Variants in NRG3 observed in about 807,000 individuals in gnomAD.
NRG3 encodes the protein pro-neuregulin-3, membrane-bound isoform.
In NRG3, 31 loss-of-function variants were observed where a neutral mutation model predicts 66.9. The ratio of observed to expected loss-of-function variants is 0.46; its 90% CI spans 0.35 to 0.63. NRG3 has a LOEUF of 0.63. NRG3 is among the 20% of genes least tolerant of loss of function. The pLI is 0.00. For synonymous variants in NRG3, 393 were observed against 359.4 expected (o/e 1.09, Z -1.06); for missense variants, 910 against 878.9 (o/e 1.04, Z -0.45).
chr10:82,787,186 C>G (rs578077663), intron 3 of NRG3, among the ~76,000 whole-genome samples: 2 of 152,162 alleles, frequency 1.3e-5, no homozygotes, highest in Admixed American at 6.5e-5. Flanking sequence ...CTCTTACACT[C>G]AAAACTAGGT....
intron 1 of NRG3, among the ~76,000 whole-genome samples, chr10:82,070,649 G>A (rs950081434): frequency 6.6e-6 from 1 of 152,020 alleles, no homozygotes; most frequent in African/African-American, 2.4e-5. Context: ...TCATAGTTTA[G>A]TAAGAAAAAG....
chr10:82,602,782 A>G (rs1275335189), intron 2 of NRG3, among the ~76,000 whole-genome samples: 2 of 152,158 alleles, frequency 1.3e-5, no homozygotes, highest in African/African-American at 2.4e-5. Context: ...TCATATCACA[A>G]TTCTGGGATA....
intron 1 of NRG3, among the ~76,000 whole-genome samples, chr10:82,143,602 T>A (rs2069993055): frequency 6.6e-6 from 1 of 152,228 alleles, no homozygotes; most frequent in African/African-American, 2.4e-5. Flanking sequence ...CCCATTGAAA[T>A]CAATGTGATT....
chr10:82,116,262 GA>G (rs964850762), intron 1 of NRG3, among the ~76,000 whole-genome samples: 24 of 151,864 alleles, frequency 1.6e-4, no homozygotes, highest in Non-Finnish European at 3.1e-4. Flanking sequence ...TTTACCACAA[GA>G]AAAAAACCCT....
chr10:82,614,283 T>C (rs139977050), intron 2 of NRG3, among the ~76,000 whole-genome samples: 1 of 152,324 alleles, frequency 6.6e-6, no homozygotes, highest in East Asian at 1.9e-4. Context: ...AAAATTTTTA[T>C]TTTAGTGCAG....
At chr10:82,634,670 G>A (rs1309243199) in intron 2 of NRG3, among the ~76,000 whole-genome samples, 2 of 152,158 alleles carry the variant, frequency 1.3e-5, no homozygotes, top group Admixed American at 6.5e-5. Flanking sequence ...TTTCCTGAAA[G>A]CAAAGTCAAC....
intron 2 of NRG3, among the ~76,000 whole-genome samples, chr10:82,695,561 G>C (rs2055312869): frequency 2.0e-5 from 3 of 151,948 alleles, no homozygotes; most frequent in Admixed American, 2.0e-4. Context: ...TAGATAAAGG[G>C]CTAGAAGAAA....
chr10:81,890,248 C>T (rs75264664), intron 1 of NRG3, among the ~76,000 whole-genome samples: 3 of 152,052 alleles, frequency 2.0e-5, no homozygotes, highest in Non-Finnish European at 2.9e-5. Context: ...TTAAGCCTTT[C>T]GGCTACTTGG....
intron 2 of NRG3, among the ~76,000 whole-genome samples, chr10:82,490,110 A>G (rs1842975415): frequency 6.6e-6 from 1 of 152,196 alleles, no homozygotes; most frequent in South Asian, 2.1e-4. Context: ...CTATGTTAAT[A>G]TATCGTTAAT....
intron 1 of NRG3, among the ~76,000 whole-genome samples, chr10:82,212,830 A>C (rs2075467437): frequency 6.6e-6 from 1 of 152,226 alleles, no homozygotes; most frequent in African/African-American, 2.4e-5. Flanking sequence ...TCTGATGTGC[A>C]TTATGAAACA....
chr10:82,710,221 C>T (rs1356398402), intron 2 of NRG3, among the ~76,000 whole-genome samples: 1 of 152,158 alleles, frequency 6.6e-6, no homozygotes, highest in Non-Finnish European at 1.5e-5. Flanking sequence ...GCACACTAAT[C>T]ATTGTTTTAT....
At chr10:82,746,008 C>A (rs2058628497) in intron 3 of NRG3, among the ~76,000 whole-genome samples, 2 of 152,128 alleles carry the variant, frequency 1.3e-5, no homozygotes, top group Admixed American at 1.3e-4. Flanking sequence ...CTTGCCTCAG[C>A]CTCCCAAGTA....
intron 1 of NRG3, among the ~76,000 whole-genome samples, chr10:82,307,202 G>T (rs1315077527): frequency 6.6e-6 from 1 of 151,936 alleles, no homozygotes; most frequent in Non-Finnish European, 1.5e-5. Flanking sequence ...AAACATATAG[G>T]TGTGGTATGT....
At chr10:82,842,308 C>T (rs1352476764) in intron 3 of NRG3, among the ~76,000 whole-genome samples, 1 of 152,146 alleles carries the variant, frequency 6.6e-6, no homozygotes, top group East Asian at 1.9e-4. Flanking sequence ...TGTATACATG[C>T]CAGTAGTGAT....
At chr10:82,379,442 C>T (rs1439897573) in intron 2 of NRG3, among the ~76,000 whole-genome samples, 3 of 151,644 alleles carry the variant, frequency 2.0e-5, no homozygotes, top group African/African-American at 4.8e-5. Flanking sequence ...TCTAAAGAAG[C>T]GAGAATTGAA....
chr10:82,588,734 C>T (rs2046819028), intron 2 of NRG3, among the ~76,000 whole-genome samples: 1 of 152,148 alleles, frequency 6.6e-6, no homozygotes. Context: ...ATCTCCCGAC[C>T]TCATGATCTG....
intron 2 of NRG3, among the ~76,000 whole-genome samples, chr10:82,409,328 C>T (rs11592812): frequency 0.15 from 22,856 of 151,896 alleles, 2,070 homozygotes; most frequent in East Asian, 0.3. Flanking sequence ...TGGAAGAAAC[C>T]AATAGTGATT....
rs544423124 is a variant in NRG3, at chr10:82,568,407, A to G, written c.954-170170A>G. Among the ~76,000 whole-genome samples, 10 of 152,044 alleles carry G rather than the reference A, an allele frequency of 6.6e-5. No homozygotes were observed. The South Asian group carries it at 1.9e-3, about 28-fold the overall frequency. ...GTTAGGAAATGCTGAAGTAACAAAT[A>G]AATCCAGATCTTCAGGTATTAACAA... On this transcript the variant is annotated intron_variant, in intron 2 of 8. Transcript: ENST00000372141.
At chr10:82,356,349 G>A (rs1265768909) in intron 1 of NRG3, among the ~76,000 whole-genome samples, 1 of 152,112 alleles carries the variant, frequency 6.6e-6, no homozygotes, top group African/African-American at 2.4e-5. Flanking sequence ...ATCAATAAAT[G>A]GATAATAAGA....
Sources: gnomAD v4.1 joint callset for allele counts (sites outside exome capture counted in the v4.1 genomes callset) on GRCh38, gnomAD v4.1.1 for gene constraint, MANE v1.5 for transcripts, NCBI Gene and HGNC (gene_info 2026-07-23, HGNC 2026-07-21) for gene names.